Variants in MYRIP observed in about 807,000 individuals in gnomAD.
MYRIP encodes myosin VIIA and Rab interacting protein.
In MYRIP, 49 loss-of-function variants were observed where a neutral mutation model predicts 98.0. That is an observed-to-expected ratio of 0.50 (90% confidence interval 0.40 to 0.63). The LOEUF (loss-of-function observed/expected upper bound fraction) is 0.63, where lower values mean the gene tolerates loss of function less well. MYRIP is among the 30% of genes least tolerant of loss of function. The probability of loss-of-function intolerance (pLI) is 0.00; values close to 1 mark genes in which losing one functional copy is unlikely to be tolerated. For missense variants in MYRIP, 1,004 were observed against 1,058.2 expected, an observed-to-expected ratio of 0.95 and a Z score of 0.71; for synonymous variants, 404 against 409.5, an observed-to-expected ratio of 0.99 and a Z score of 0.16.
chr3:40,048,731 G>T (rs1947724006), intron 3 of MYRIP, among the ~76,000 whole-genome samples: 2 of 152,016 alleles, frequency 1.3e-5, no homozygotes, highest in Non-Finnish European at 2.9e-5. Context: ...TTGGTTCTTT[G>T]TTAGTAATTT....
In MYRIP at chr3:40,137,836, G is replaced by T. The variant is rs185029602; in HGVS notation, c.333-13212G>T. 2.0e-5 allele frequency among the ~76,000 whole-genome samples: 3 copies of T among 152,286 alleles called. No individual in the cohort carries two copies. In the East Asian group the frequency reaches 5.8e-4, roughly 29 times the overall value. On this transcript the variant is annotated intron_variant, in intron 3 of 16. Transcript: ENST00000302541. ...ATGACTAAATCAATGAACCAAGGTT[G>T]CTTACATTTCTTCCTTCAGGGGAAG...
intron 3 of MYRIP, among the ~76,000 whole-genome samples, chr3:40,117,333 T>C (rs1393632091): frequency 6.6e-6 from 1 of 152,170 alleles, no homozygotes; most frequent in Non-Finnish European, 1.5e-5. Context: ...CAAAGCCATA[T>C]GATAGCTACT....
chr3:40,197,266 G>A (rs971039460), intron 10 of MYRIP, among the ~76,000 whole-genome samples: 1 of 152,074 alleles, frequency 6.6e-6, no homozygotes, highest in East Asian at 1.9e-4. Flanking sequence ...ATGCCACCCC[G>A]ATCTGACAGG....
At chr3:40,014,927 C>G (rs1946829158) in intron 2 of MYRIP, among the ~76,000 whole-genome samples, 1 of 152,160 alleles carries the variant, frequency 6.6e-6, no homozygotes, top group African/African-American at 2.4e-5. Context: ...AAGGTCTGGG[C>G]TCTCCTGCTC....
intron 10 of MYRIP, among the ~76,000 whole-genome samples, chr3:40,193,128 G>A (rs1214133476): frequency 1.3e-5 from 2 of 152,058 alleles, no homozygotes; most frequent in African/African-American, 4.8e-5. Flanking sequence ...CCCAAAAACC[G>A]GAGGACCCAA....
chr3:40,170,870 A>G (rs1217865823), intron 8 of MYRIP, among the ~76,000 whole-genome samples: 2 of 152,160 alleles, frequency 1.3e-5, no homozygotes, highest in Non-Finnish European at 2.9e-5. Context: ...GGCTTACCCC[A>G]TCCCCACTAG....
At chr3:39,865,254 A>G (rs1942586122) in intron 1 of MYRIP, among the ~76,000 whole-genome samples, 1 of 152,212 alleles carries the variant, frequency 6.6e-6, no homozygotes, top group Non-Finnish European at 1.5e-5. Flanking sequence ...CAAAGATTTT[A>G]TGACAAAGAT....
chr3:40,096,165 G>T (rs569305246), intron 3 of MYRIP, among the ~76,000 whole-genome samples: 1 of 151,768 alleles, frequency 6.6e-6, no homozygotes, highest in South Asian at 2.1e-4. Flanking sequence ...AGATATACCC[G>T]AGATGGCAGT....
At chr3:39,905,126 T>C (rs184534070) in intron 2 of MYRIP, among the ~76,000 whole-genome samples, 1 of 152,350 alleles carries the variant, frequency 6.6e-6, no homozygotes, top group Admixed American at 6.5e-5. Flanking sequence ...ATTACTCAAG[T>C]AAATGTGTCA....
chr3:39,989,997 G>A (rs1946134265), intron 2 of MYRIP, among the ~76,000 whole-genome samples: 1 of 152,228 alleles, frequency 6.6e-6, no homozygotes, highest in Non-Finnish European at 1.5e-5. Flanking sequence ...AAACGGCTTA[G>A]ACAGCAGGCA....
chr3:40,212,091 T>TATAC (rs1189045648), intron 11 of MYRIP, among the ~76,000 whole-genome samples: 2 of 145,540 alleles, frequency 1.4e-5, no homozygotes, highest in African/African-American at 5.0e-5. Context: ...GCCATATATA[T>TATAC]ATATGTGTGT....
chr3:39,876,568 C>G (rs960679640), intron 1 of MYRIP, among the ~76,000 whole-genome samples: 1 of 151,788 alleles, frequency 6.6e-6, no homozygotes, highest in African/African-American at 2.4e-5. Flanking sequence ...ATTTGCTTGT[C>G]TGTAAAGGAT....
chr3:40,087,251 C>A (rs868504152), intron 3 of MYRIP, among the ~76,000 whole-genome samples: 1 of 152,120 alleles, frequency 6.6e-6, no homozygotes, highest in Non-Finnish European at 1.5e-5. Context: ...ACTTTCTCCT[C>A]AGTCAGATGA....
chr3:40,112,602 A>G (rs992582822), intron 3 of MYRIP, among the ~76,000 whole-genome samples: 3 of 152,214 alleles, frequency 2.0e-5, no homozygotes, highest in Non-Finnish European at 4.4e-5. Flanking sequence ...CGCATGATCC[A>G]AGGTCACTGT....
intron 3 of MYRIP, among the ~76,000 whole-genome samples, chr3:40,078,287 G>A (rs753529118): frequency 6.6e-5 from 10 of 152,296 alleles, no homozygotes; most frequent in African/African-American, 1.4e-4. Flanking sequence ...GTGCAGCCCC[G>A]GTTCGCATTC....
chr3:40,192,306 C>CGACATATATATATGACATATATATA (rs1238978520), intron 10 of MYRIP, among the ~76,000 whole-genome samples: 1 of 6,266 alleles, frequency 1.6e-4, no homozygotes, highest in Non-Finnish European at 4.9e-4. Context: ...AGTTAGTTTT[C>CGACATATATATATGACATATATATA]TTCATATATA....
At chr3:40,096,506 A>T (rs1948838193) in intron 3 of MYRIP, among the ~76,000 whole-genome samples, 1 of 152,220 alleles carries the variant, frequency 6.6e-6, no homozygotes, top group Admixed American at 6.5e-5. Context: ...TGAGTTCATG[A>T]GTTTGACTCC....
intron 3 of MYRIP, among the ~76,000 whole-genome samples, chr3:40,112,958 A>G (rs1167079710): frequency 6.6e-6 from 1 of 152,168 alleles, no homozygotes; most frequent in Non-Finnish European, 1.5e-5. Context: ...CCTGATCTCA[A>G]ACATGTGAAA....
At chr3:40,060,839 T>G (rs544838120) in intron 3 of MYRIP, among the ~76,000 whole-genome samples, 2 of 152,090 alleles carry the variant, frequency 1.3e-5, no homozygotes, top group Non-Finnish European at 2.9e-5. Flanking sequence ...GCGATCCACC[T>G]GCCTCGGCCT....
Sources: allele counts gnomAD v4.1 joint callset (sites outside exome capture counted in the v4.1 genomes callset), GRCh38; gene constraint gnomAD v4.1.1; transcripts MANE v1.5; gene names NCBI Gene and HGNC (gene_info 2026-07-23, HGNC 2026-07-21).